The following EML6 variants were observed in gnomAD, a reference collection of about 807,000 sequenced individuals.
The protein encoded by EML6 is EMAP like 6, also known as echinoderm microtubule-associated protein-like 6.
In EML6, 154 loss-of-function variants were observed where a neutral mutation model predicts 240.1. That is an observed-to-expected ratio of 0.64 (90% confidence interval 0.56 to 0.73). The LOEUF is 0.73. Among genes scored for constraint, EML6 ranks in the 30% least tolerant of loss-of-function variants. The pLI is 0.00. For synonymous variants in EML6, 1,148 were observed against 899.0 expected (o/e 1.28, Z -4.95); for missense variants, 2,964 against 2,474.6 (o/e 1.20, Z -4.20).
intron 26 of EML6, among the ~76,000 whole-genome samples, chr2:54,917,887 T>C (rs758188284): frequency 5.9e-5 from 9 of 152,228 alleles, no homozygotes; most frequent in Non-Finnish European, 1.3e-4. Flanking sequence ...AACTGTCTAG[T>C]CTAGAACTGT....
At position 54,970,944 on chromosome 2, in the gene EML6, C is replaced by G. The variant is rs1676964042; in HGVS notation, c.*849C>G. On this transcript the variant is annotated 3_prime_UTR_variant, in exon 42 of 42. Coordinates refer to ENST00000356458, the MANE Select transcript of EML6 (RefSeq NM_001039753.4). ...GTTTTCATTGTGTTTCATGCCAAACCCACAAAATCCAAAATAGAATTCAAG... is the reference window on the plus strand; with the variant it reads ...GTTTTCATTGTGTTTCATGCCAAACGCACAAAATCCAAAATAGAATTCAAG... The G allele has an allele frequency of 6.6e-6, 1 of 152,164 alleles. No individual in the cohort carries two copies. Among genetic ancestry groups the G allele is most frequent in the Non-Finnish European group, 1.5e-5 (1 of 68,024 alleles). The allele number at this position is 152,164 out of a possible 1,614,324, so 9.4% of individuals were successfully genotyped here. A position where few individuals can be genotyped will look rare whatever the true frequency, so the allele number is the denominator to read the frequency against.
At chr2:54,753,847 A>T (rs891723443) in intron 2 of EML6, among the ~76,000 whole-genome samples, 5 of 151,656 alleles carry the variant, frequency 3.3e-5, no homozygotes, top group African/African-American at 9.7e-5. Flanking sequence ...AATTAAAAAA[A>T]TTTTTTTGGC....
chr2:54,761,721 C>G (rs1377317880), intron 2 of EML6, among the ~76,000 whole-genome samples: 2 of 152,062 alleles, frequency 1.3e-5, no homozygotes, highest in East Asian at 1.9e-4. Flanking sequence ...AAATATAAGT[C>G]TATTTAAACT....
At chr2:54,948,213 C>A (rs866532202) in intron 28 of EML6, among the ~76,000 whole-genome samples, 1 of 152,150 alleles carries the variant, frequency 6.6e-6, no homozygotes, top group African/African-American at 2.4e-5. Flanking sequence ...AATTTGGAGG[C>A]CCCAGACCCC....
At chr2:54,936,562 A>G (rs1156541001) in intron 28 of EML6, among the ~76,000 whole-genome samples, 1 of 152,216 alleles carries the variant, frequency 6.6e-6, no homozygotes, top group East Asian at 1.9e-4. Flanking sequence ...GCATATAAGT[A>G]CTCACTTAAC....
intron 2 of EML6, among the ~76,000 whole-genome samples, chr2:54,798,005 C>G (rs190456924): frequency 6.6e-6 from 1 of 152,002 alleles, no homozygotes; most frequent in African/African-American, 2.4e-5. Flanking sequence ...ATATAAGTGT[C>G]TGGATCAGTT....
chr2:54,833,200 G>T (rs1260470122), intron 7 of EML6, among the ~76,000 whole-genome samples: 1 of 152,152 alleles, frequency 6.6e-6, no homozygotes, highest in Non-Finnish European at 1.5e-5. Flanking sequence ...GGAATCTGAG[G>T]GTATTTATAA....
chr2:54,953,911 C>T, intron 31 of EML6, 72 bp from the exon 32 acceptor site: 2 of 914,926 alleles, frequency 2.2e-6, no homozygotes, highest in African/African-American at 1.7e-5. Context: ...AAGGCTTTTA[C>T]ATGAACATAA....
At chr2:54,954,729 G>GCA (rs944664121) in intron 32 of EML6, among the ~76,000 whole-genome samples, 1 of 152,058 alleles carries the variant, frequency 6.6e-6, no homozygotes, top group Non-Finnish European at 1.5e-5. Context: ...TCACACACAT[G>GCA]CACACACACA....
intron 8 of EML6, among the ~76,000 whole-genome samples, chr2:54,846,480 C>A (rs1406622958): frequency 9.8e-6 from 1 of 101,962 alleles, no homozygotes; most frequent in Non-Finnish European, 1.9e-5. Context: ...TATATTGATA[C>A]ATAATTTTTT....
intron 18 of EML6, among the ~76,000 whole-genome samples, chr2:54,892,121 CAGTT>C (rs1672501805): frequency 6.6e-6 from 1 of 152,128 alleles, no homozygotes; most frequent in Non-Finnish European, 1.5e-5. Flanking sequence ...TGCTGAGCCT[CAGTT>C]AGACGCATGT....
intron 24 of EML6, among the ~76,000 whole-genome samples, chr2:54,906,997 C>T (rs1673359972): frequency 1.3e-5 from 2 of 152,294 alleles, no homozygotes; most frequent in East Asian, 1.9e-4. Flanking sequence ...CAGCCGCCAG[C>T]CTCAGCAGCC....
intron 30 of EML6, among the ~76,000 whole-genome samples, chr2:54,951,997 G>C (rs929805076): frequency 4.6e-5 from 7 of 152,188 alleles, no homozygotes; most frequent in African/African-American, 1.7e-4. Context: ...CATTTGCTTT[G>C]ATAGATGGTA....
At position 54,970,555 on chromosome 2, in the gene EML6, G is replaced by A. The variant is rs572665645; in HGVS notation, c.*460G>A. Reference sequence around the variant, plus strand: ...CAAGACAGCCTAAGTTAGATGCACCGAAGTACTAGAAATATCGCTAGCCTC... The same window carrying A: ...CAAGACAGCCTAAGTTAGATGCACCAAAGTACTAGAAATATCGCTAGCCTC... On this transcript the variant is annotated 3_prime_UTR_variant, in exon 42 of 42. Coordinates refer to ENST00000356458, the MANE Select transcript of EML6 (RefSeq NM_001039753.4). 529 of 161,552 alleles carry A rather than the reference G, an allele frequency of 3.3e-3. No homozygotes were observed. Among genetic ancestry groups the A allele is most frequent in the Non-Finnish European group, 4.2e-3 (310 of 73,010 alleles). The allele number at this position is 161,552 out of a possible 1,614,324, so 10.0% of individuals were successfully genotyped here. A position where few individuals can be genotyped will look rare whatever the true frequency, so the allele number is the denominator to read the frequency against.
At chr2:54,789,226 C>T (rs1474378626) in intron 2 of EML6, among the ~76,000 whole-genome samples, 1 of 151,256 alleles carries the variant, frequency 6.6e-6, no homozygotes, top group East Asian at 1.9e-4. Flanking sequence ...AAAGAATGTG[C>T]TTTCCGGCCG....
intron 2 of EML6, among the ~76,000 whole-genome samples, chr2:54,771,757 G>A (rs898326353): frequency 6.6e-5 from 10 of 152,182 alleles, no homozygotes. Context: ...CAGTTTCTTT[G>A]AGGCATAAAA....
chr2:54,963,211 A>G (rs530370502), intron 36 of EML6, among the ~76,000 whole-genome samples: 3 of 152,376 alleles, frequency 2.0e-5, no homozygotes, highest in Non-Finnish European at 4.4e-5. Context: ...AGTTCAACTA[A>G]TTAAAATACT....
At chr2:54,808,010 A>C (rs1670587358) in intron 2 of EML6, among the ~76,000 whole-genome samples, 1 of 152,236 alleles carries the variant, frequency 6.6e-6, no homozygotes, top group Non-Finnish European at 1.5e-5. Context: ...CCACTCATCA[A>C]GCTTGTTAAA....
intron 9 of EML6, among the ~76,000 whole-genome samples, chr2:54,849,121 G>A (rs959435710): frequency 4.6e-5 from 7 of 152,128 alleles, no homozygotes; most frequent in African/African-American, 1.7e-4. Flanking sequence ...AAGCAAATGT[G>A]CATTTCTTTT....
Sources: allele counts gnomAD v4.1 joint callset (sites outside exome capture counted in the v4.1 genomes callset), GRCh38; gene constraint gnomAD v4.1.1; transcripts MANE v1.5; gene names NCBI Gene and HGNC (gene_info 2026-07-23, HGNC 2026-07-21).